Variants in PROS1 observed in about 807,000 individuals in gnomAD.
PROS1 encodes the protein protein S.
Under a neutral mutation model 75.9 loss-of-function variants are expected in PROS1, and 29 were observed. The ratio of observed to expected loss-of-function variants is 0.38; its 90% CI spans 0.28 to 0.52. PROS1 has a LOEUF of 0.52. Ranked by LOEUF, PROS1 falls within the 20% of genes least tolerant of loss-of-function variation. The pLI, the probability that PROS1 is intolerant of heterozygous loss-of-function variation, is 0.83. For synonymous variants in PROS1, 245 were observed against 280.6 expected (o/e 0.87, Z 1.27); for missense variants, 680 against 810.3 (o/e 0.84, Z 1.95).
chr3:93,957,726 T>C (rs1235525475), intron 1 of PROS1, among the ~76,000 whole-genome samples: 2 of 152,186 alleles, frequency 1.3e-5, no homozygotes, highest in East Asian at 1.9e-4. Context: ...CCCCGGCAGA[T>C]ATAAAAATCC....
At chr3:93,948,675 T>C (rs999651805) in intron 1 of PROS1, among the ~76,000 whole-genome samples, 3 of 152,224 alleles carry the variant, frequency 2.0e-5, no homozygotes, top group African/African-American at 7.2e-5. Context: ...AAACAGAATA[T>C]AAATGAAAAT....
intron 1 of PROS1, among the ~76,000 whole-genome samples, chr3:93,950,413 T>A (rs1203215396): frequency 6.6e-6 from 1 of 152,158 alleles, no homozygotes; most frequent in Non-Finnish European, 1.5e-5. Context: ...CCCAAGTAGC[T>A]TAACTGGGAG....
rs963582741 is a variant in PROS1 at position 93,873,540 on chromosome 3, A to G, written c.*705T>C. The G allele has an allele frequency of 3.9e-5, 6 of 152,260 alleles. No homozygotes were observed. The highest frequency in any genetic ancestry group is 2.0e-4 in the Admixed American group (3 of 15,284). 9.4% of individuals were successfully genotyped at this position (152,260 alleles called of 1,614,324 possible). ...TGACCCACACAGCAAAATTTAAAAA[A>G]TGTACCCACTTCAGATTTCCCCACC... is the stretch of plus-strand genomic sequence containing the variant. On this transcript the variant is annotated 3_prime_UTR_variant, in exon 15 of 15. Coordinates refer to ENST00000394236, the MANE Select transcript of PROS1 (RefSeq NM_000313.4).
intron 1 of PROS1, among the ~76,000 whole-genome samples, chr3:93,949,546 CCACTTACATG>C (rs1202428130): frequency 4.6e-5 from 7 of 151,800 alleles, no homozygotes; most frequent in Non-Finnish European, 1.0e-4. Flanking sequence ...AAAAAAGATG[CCACTTACATG>C]AAAGAAATTT....
rs190289153 is a variant in PROS1, at chr3:93,937,406, C to T, written c.77-9999G>A. On this transcript the variant is annotated intron_variant, in intron 1 of 14. Coordinates refer to ENST00000394236, the MANE Select transcript of PROS1 (RefSeq NM_000313.4). The stretch of plus-strand genomic sequence containing the variant: ...TTTTTGAGATGGAGTCTCACTCTGT[C>T]GCCCAGGCTGGAGTGCAGTGGCATG... Among the ~76,000 whole-genome samples the T allele has an allele frequency of 3.3e-3, 491 of 147,792 alleles. 15 individuals are homozygous for T. In the East Asian group the frequency reaches 0.081, roughly 24 times the overall value.
At chr3:93,927,491 A>T in intron 1 of PROS1, 84 bp from the exon 2 acceptor site, 1 of 1,408,594 alleles carries the variant, frequency 7.1e-7, no homozygotes, top group Non-Finnish European at 9.7e-7. Flanking sequence ...AGTTAAAATC[A>T]TTTTCTGCCT....
chr3:93,886,748 T>C (rs1708354393), intron 10 of PROS1, among the ~76,000 whole-genome samples: 1 of 152,134 alleles, frequency 6.6e-6, no homozygotes, highest in South Asian at 2.1e-4. Context: ...TTAAAAAAAA[T>C]ACTATTCTGT....
chr3:93,908,133 C>CA (rs970815301), intron 4 of PROS1, among the ~76,000 whole-genome samples: 49 of 149,184 alleles, frequency 3.3e-4, no homozygotes, highest in South Asian at 6.4e-4. Context: ...GGCTCTCTCT[C>CA]AAAAAAAAAG....
At chr3:93,935,877 T>C (rs897344034) in intron 1 of PROS1, among the ~76,000 whole-genome samples, 1 of 144,754 alleles carries the variant, frequency 6.9e-6, no homozygotes, top group African/African-American at 2.6e-5. Context: ...ATCATTGGGC[T>C]AAGGAATCAA....
intron 1 of PROS1, among the ~76,000 whole-genome samples, chr3:93,934,972 G>C (rs1709161110): frequency 6.6e-6 from 1 of 150,604 alleles, no homozygotes; most frequent in Non-Finnish European, 1.5e-5. Context: ...TGTTTCCACA[G>C]ATTAAAACCT....
chr3:93,890,315 C>T (rs1342166717), intron 10 of PROS1, among the ~76,000 whole-genome samples: 1 of 152,172 alleles, frequency 6.6e-6, no homozygotes, highest in Non-Finnish European at 1.5e-5. Flanking sequence ...AATAATTCTG[C>T]TTTTGCCCTT....
At chr3:93,941,839 C>G (rs1187461621) in intron 1 of PROS1, among the ~76,000 whole-genome samples, 1 of 152,190 alleles carries the variant, frequency 6.6e-6, no homozygotes, top group Non-Finnish European at 1.5e-5. Flanking sequence ...AACACACTCT[C>G]TACAATTCTC....
intron 1 of PROS1, among the ~76,000 whole-genome samples, chr3:93,950,314 T>C (rs1241269351): frequency 6.6e-6 from 1 of 152,206 alleles, no homozygotes; most frequent in Non-Finnish European, 1.5e-5. Flanking sequence ...CATCCCTGTC[T>C]GACAGCTTTC....
chr3:93,953,569 G>C (rs1441953253), intron 1 of PROS1, among the ~76,000 whole-genome samples: 1 of 152,076 alleles, frequency 6.6e-6, no homozygotes, highest in East Asian at 1.9e-4. Flanking sequence ...GTATTGATGG[G>C]ATGTATCTCA....
At chr3:93,930,399 T>C (rs1406300709) in intron 1 of PROS1, among the ~76,000 whole-genome samples, 1 of 152,220 alleles carries the variant, frequency 6.6e-6, no homozygotes, top group Non-Finnish European at 1.5e-5. Flanking sequence ...AGCAACTATG[T>C]GATTCTTTCT....
intron 1 of PROS1, among the ~76,000 whole-genome samples, chr3:93,969,122 C>CTTTTTTTTT (rs773990991): frequency 6.1e-5 from 7 of 114,342 alleles, no homozygotes; most frequent in Admixed American, 2.7e-4. Context: ...CTTTTGTTTT[C>CTTTTTTTTT]TTTTTTTTTT....
At chr3:93,961,890 C>A (rs1391721366) in intron 1 of PROS1, among the ~76,000 whole-genome samples, 2 of 152,090 alleles carry the variant, frequency 1.3e-5, no homozygotes, top group Non-Finnish European at 2.9e-5. Flanking sequence ...AGAAAGAATT[C>A]AAAAAGACTA....
In PROS1 at chr3:93,964,495, T is replaced by TG. The variant is rs543210392; in HGVS notation, c.76+9178dup. Reference sequence around the variant, plus strand: ...TGCAGTACCCTCAGGCTTACTAGGGTGGGGAAAAAACCTCACCCTGGTAAA... The same window carrying TG: ...TGCAGTACCCTCAGGCTTACTAGGGTGGGGGAAAAAACCTCACCCTGGTAAA... On this transcript the variant is annotated intron_variant, in intron 1 of 14. Transcript: ENST00000394236. 1.1e-3 allele frequency among the ~76,000 whole-genome samples: 162 copies of TG among 152,062 alleles called. 1 individual carries two copies. The South Asian group carries it at 0.033, about 31-fold the overall frequency.
chr3:93,970,993 T>G (rs185515501), intron 1 of PROS1, among the ~76,000 whole-genome samples: 23 of 148,736 alleles, frequency 1.5e-4, no homozygotes, highest in African/African-American at 5.2e-4. Flanking sequence ...TGGGCAAGAT[T>G]TTTTTTAATC....
Sources: allele counts gnomAD v4.1 joint callset (sites outside exome capture counted in the v4.1 genomes callset), GRCh38; gene constraint gnomAD v4.1.1; transcripts MANE v1.5; gene names NCBI Gene and HGNC (gene_info 2026-07-23, HGNC 2026-07-21).